ANP32A: variants seen among roughly 807,000 people sequenced by gnomAD.
ANP32A encodes acidic leucine-rich nuclear phosphoprotein 32 family member A.
ANP32A carries 1 observed loss-of-function variant against 33.9 expected under a neutral mutation model. The ratio of observed to expected loss-of-function variants is 0.03; its 90% CI spans 0.01 to 0.14. The LOEUF (loss-of-function observed/expected upper bound fraction) is 0.14, where lower values mean the gene tolerates loss of function less well. ANP32A is among the 10% of genes least tolerant of loss of function. The probability of loss-of-function intolerance (pLI) is 1.00; values close to 1 mark genes in which losing one functional copy is unlikely to be tolerated. For synonymous variants in ANP32A, 115 were observed against 120.5 expected, an observed-to-expected ratio of 0.95 and a Z score of 0.30; for missense variants, 155 against 306.0, an observed-to-expected ratio of 0.51 and a Z score of 3.68.
At chr15:68,797,084 C>T (rs1330721583) in intron 1 of ANP32A, among the ~76,000 whole-genome samples, 1 of 152,014 alleles carries the variant, frequency 6.6e-6, no homozygotes, top group African/African-American at 2.4e-5. Flanking sequence ...ATATCAGCAC[C>T]CCCAAAATAA....
At chr15:68,812,314 A>C (rs1471406266) in intron 1 of ANP32A, among the ~76,000 whole-genome samples, 1 of 152,200 alleles carries the variant, frequency 6.6e-6, no homozygotes, top group Admixed American at 6.5e-5. Flanking sequence ...CTGACCCAGC[A>C]TGCAAAGTGT....
At chr15:68,801,084 G>C (rs1474250200) in intron 1 of ANP32A, among the ~76,000 whole-genome samples, 3 of 152,142 alleles carry the variant, frequency 2.0e-5, no homozygotes, top group Non-Finnish European at 4.4e-5. Context: ...CATTCCACAT[G>C]CAACTGGTGG....
chr15:68,780,249 C>A lies in ANP32A; in HGVS notation c.689-107G>T. The A allele has an allele frequency of 6.4e-7, 1 of 1,565,578 alleles. No individual in the cohort carries two copies. Among genetic ancestry groups the A allele is most frequent in the Non-Finnish European group, 8.7e-7 (1 of 1,153,330 alleles). On this transcript the variant is annotated intron_variant, in intron 6 of 6. Coordinates refer to ENST00000465139, the MANE Select transcript of ANP32A (RefSeq NM_006305.4). The surrounding 1 kb of genome is among the most constrained non-coding windows in gnomAD (Gnocchi z 4.3). ...ACCCATGACTAGCAAGCTGTGCCAT[C>A]CTTGGAAACCGAGGCAAGACATCTG...
rs531549530 is a variant in ANP32A at position 68,780,016 on chromosome 15, G to A, written c.*65C>T. The A allele has an allele frequency of 2.9e-4, 418 of 1,445,128 alleles. 1 individual carries two copies. Among genetic ancestry groups the A allele is most frequent in the East Asian group, 1.1e-3 (47 of 43,568 alleles). 89.5% of individuals were successfully genotyped at this position (1,445,128 alleles called of 1,614,324 possible). On this transcript the variant is annotated 3_prime_UTR_variant, in exon 7 of 7. Transcript: ENST00000465139. The surrounding 1 kb of genome is among the most constrained non-coding windows in gnomAD (Gnocchi z 4.3). ...CAGGGGGCAGGATTGGAGGGGGGGG[G>A]GAGAGGGGATATGGGTAAAAACAGT...
At position 68,779,746 on chromosome 15, in the gene ANP32A, G is replaced by C. The variant is rs932907375; in HGVS notation, c.*335C>G. 4 of 230,438 alleles carry C rather than the reference G, an allele frequency of 1.7e-5. No individual in the cohort carries two copies. Among genetic ancestry groups the C allele is most frequent in the African/African-American group, 9.1e-5 (4 of 43,820 alleles). 14.3% of individuals were successfully genotyped at this position (230,438 alleles called of 1,614,324 possible). ...AGAGACTTGGGAAATACCAGGAAAC[G>C]TAAGAGAACTCCAAACCATCCTCTT... On this transcript the variant is annotated 3_prime_UTR_variant, in exon 7 of 7. Transcript: ENST00000465139.
At chr15:68,786,639 G>A (rs1893937225) in intron 3 of ANP32A, among the ~76,000 whole-genome samples, 1 of 152,136 alleles carries the variant, frequency 6.6e-6, no homozygotes, top group African/African-American at 2.4e-5. Flanking sequence ...CAAAAGAGTT[G>A]TTTTCAGTGA....
At chr15:68,819,870 C>G (rs566896624) in intron 1 of ANP32A, among the ~76,000 whole-genome samples, 1 of 152,008 alleles carries the variant, frequency 6.6e-6, no homozygotes, top group Non-Finnish European at 1.5e-5. Context: ...ATCCTCCCTT[C>G]GGAAGGAAAG....
At chr15:68,812,896 GAA>G (rs1181573435) in intron 1 of ANP32A, 2 of 152,170 alleles carry the variant, frequency 1.3e-5, no homozygotes, top group African/African-American at 4.8e-5. Context: ...TAGAATTTCA[GAA>G]TGGAGAAAAC....
At chr15:68,815,408 A>T (rs1894366957) in intron 1 of ANP32A, among the ~76,000 whole-genome samples, 1 of 150,284 alleles carries the variant, frequency 6.7e-6, no homozygotes, top group African/African-American at 2.4e-5. Context: ...ATTGAGTACA[A>T]TTTTTTTTTT....
At chr15:68,815,778 A>G (rs141258316) in intron 1 of ANP32A, among the ~76,000 whole-genome samples, 12 of 152,216 alleles carry the variant, frequency 7.9e-5, no homozygotes, top group East Asian at 1.9e-4. Flanking sequence ...CAGTTGCTCA[A>G]CCTCTCCAAA....
intron 3 of ANP32A, among the ~76,000 whole-genome samples, chr15:68,785,172 A>G (rs1054715621): frequency 6.6e-6 from 1 of 152,214 alleles, no homozygotes; most frequent in Non-Finnish European, 1.5e-5. Flanking sequence ...AGGCAGCCCA[A>G]CTTCAGACCT....
At chr15:68,783,181 A>C (rs1893891511) in intron 4 of ANP32A, 128 bp from the exon 5 acceptor site, 2 of 1,384,774 alleles carry the variant, frequency 1.4e-6, no homozygotes, top group Non-Finnish European at 1.9e-6. Flanking sequence ...CCTAAGTCCA[A>C]AGATGGAACA....
intron 1 of ANP32A, among the ~76,000 whole-genome samples, chr15:68,820,196 G>C (rs1014203422): frequency 1.3e-5 from 2 of 152,182 alleles, no homozygotes; most frequent in African/African-American, 4.8e-5. Flanking sequence ...GAGCGAGCGA[G>C]CGAGAGAAAG....
At chr15:68,803,179 AGGCCAATCTCTGTCAGGAAATGGGT>A (rs1894162395) in intron 1 of ANP32A, among the ~76,000 whole-genome samples, 2 of 152,354 alleles carry the variant, frequency 1.3e-5, no homozygotes, top group Admixed American at 1.3e-4. Context: ...TGACCTTTGT[AGGCCAATCTCTGTCAGGAAATGGGT>A]GGCCTTACCT....
intron 1 of ANP32A, among the ~76,000 whole-genome samples, chr15:68,799,243 G>A (rs1894099795): frequency 6.6e-6 from 1 of 152,148 alleles, no homozygotes; most frequent in South Asian, 2.1e-4. Flanking sequence ...GGAAACTATG[G>A]GGAACTGAGG....
intron 1 of ANP32A, chr15:68,818,142 T>A (rs1029786373): frequency 3.2e-5 from 5 of 157,186 alleles, no homozygotes; most frequent in African/African-American, 1.2e-4. Flanking sequence ...GCCGCCCGCC[T>A]GCCAGCGCCC....
In ANP32A at chr15:68,820,748, C is replaced by T. The variant is rs2140379015; in HGVS notation, c.4G>A (p.Glu2Lys). The T allele has an allele frequency of 6.2e-7, 1 of 1,614,154 alleles. No homozygotes were observed. The highest frequency in any genetic ancestry group is 8.5e-7 in the Non-Finnish European group (1 of 1,180,002). Residue 2 changes from glutamate to lysine, a missense_variant, in exon 1 of 7, where the codon GAG becomes AAG. This residue lies in a region of ANP32A where 7 missense variants were observed against 21.3 expected (regional missense o/e 0.33). Coordinates refer to ENST00000465139, the MANE Select transcript of ANP32A (RefSeq NM_006305.4). Reference sequence around the variant, plus strand: ...TCTAAATGAATCCGTCTGCCCATCTCCATCTCTCGCGCTCTCTCTCTGCAG... The same window carrying T: ...TCTAAATGAATCCGTCTGCCCATCTTCATCTCTCGCGCTCTCTCTCTGCAG... Reference protein sequence around the residue: MEMGRRIHLELR... With the variant: MKMGRRIHLELR...
At position 68,796,371 on chromosome 15, in the gene ANP32A, A is replaced by G. The variant is rs559072030; in HGVS notation, c.55-8452T>C. Among the ~76,000 whole-genome samples the G allele has an allele frequency of 2.8e-4, 42 of 151,336 alleles. 2 individuals are homozygous for G. Among genetic ancestry groups the G allele is most frequent in the African/African-American group, 9.5e-4 (39 of 40,916 alleles). ...GCTGGGATTACAGGCGCCCACCATC[A>G]CACCTGGCTAATTTTGTATGTTCAG... On this transcript the variant is annotated intron_variant, in intron 1 of 6. Coordinates refer to ENST00000465139, the MANE Select transcript of ANP32A (RefSeq NM_006305.4).
intron 4 of ANP32A, among the ~76,000 whole-genome samples, chr15:68,784,089 T>G (rs1268875857): frequency 2.0e-5 from 3 of 152,182 alleles, no homozygotes; most frequent in Admixed American, 2.0e-4. Context: ...GGGGATTCAG[T>G]TGGATGGTTT....
Sources: allele counts gnomAD v4.1 joint callset (sites outside exome capture counted in the v4.1 genomes callset), GRCh38; gene constraint gnomAD v4.1.1; regional missense constraint gnomAD v4.1.1; non-coding constraint Gnocchi (gnomAD v3.1); transcripts MANE v1.5; gene names NCBI Gene and HGNC (gene_info 2026-07-23, HGNC 2026-07-21).